Variants in SLC22A12 observed in about 807,000 individuals in gnomAD.
SLC22A12 encodes the protein organic anion transporter 4-like protein.
A neutral mutation model predicts 52.7 loss-of-function variants in SLC22A12; 56 were observed. The observed-to-expected ratio is 1.06, with a 90% CI of 0.86 to 1.33. The LOEUF (loss-of-function observed/expected upper bound fraction) is 1.33. Among genes scored for constraint, SLC22A12 ranks in the 40% most tolerant of loss-of-function variants. SLC22A12 has a pLI of 0.00. For missense variants in SLC22A12, 683 were observed against 741.5 expected (o/e 0.92, Z 0.92); for synonymous variants, 337 against 324.6 (o/e 1.04, Z -0.41).
intron 2 of SLC22A12, among the ~76,000 whole-genome samples, 161 bp downstream of exon 2, chr11:64,593,043 G>A (rs1044946875): frequency 6.6e-6 from 1 of 152,216 alleles, no homozygotes; most frequent in Non-Finnish European, 1.5e-5. Flanking sequence ...AGCCGTGCCA[G>A]GTAGGGAGGT....
At chr11:64,601,331 TCA>T (rs1457693356) in intron 9 of SLC22A12, among the ~76,000 whole-genome samples, 155 bp from the exon 10 acceptor site, 2 of 151,908 alleles carry the variant, frequency 1.3e-5, no homozygotes, top group Non-Finnish European at 2.9e-5. Context: ...GGCAGTCACT[TCA>T]CACACACCCC....
intron 9 of SLC22A12, 103 bp from the exon 10 acceptor site, chr11:64,601,385 G>A (rs1018667308): frequency 8.3e-7 from 1 of 1,209,748 alleles, no homozygotes. Flanking sequence ...GGGCCCCCGA[G>A]AGCAGGGTGG....
At position 64,594,562 on chromosome 11, in the gene SLC22A12, G is replaced by A. The variant is rs114987897; in HGVS notation, c.830+759G>A. On this transcript the variant is annotated intron_variant, in intron 4 of 9. Transcript: ENST00000377574. ...CAGATAAATAAATGGGTTGACAGAT[G>A]TGTGGATTGGATGAGTGGATGGGTG... Among the ~76,000 whole-genome samples, 1,186 of 152,346 alleles carry A rather than the reference G, an allele frequency of 7.8e-3. 13 individuals are homozygous for A. The highest frequency in any genetic ancestry group is 0.026 in the African/African-American group (1,070 of 41,570).
chr11:64,596,276 A>ATGGATGGGATGGATGGATGGATGGATGGC (rs2039230124), intron 4 of SLC22A12, among the ~76,000 whole-genome samples: 1 of 119,180 alleles, frequency 8.4e-6, no homozygotes, highest in South Asian at 2.8e-4. Flanking sequence ...GGATGGATGG[A>ATGGATGGGATGGATGGATGGATGGATGGC]TGGATGGATG....
chr11:64,600,612 G>A, intron 8 of SLC22A12, 123 bp from the exon 9 acceptor site: 2 of 1,458,786 alleles, frequency 1.4e-6, no homozygotes. Flanking sequence ...GGGCTGCTCA[G>A]GTGCATCCCA....
rs758636962 is a variant in SLC22A12, at chr11:64,591,831, G to T, written c.275G>T (p.Arg92Leu). 1.4e-5 allele frequency: 23 copies of T among 1,610,704 alleles called. No individual in the cohort carries two copies. The highest frequency in any genetic ancestry group is 1.9e-5 in the Non-Finnish European group (22 of 1,179,820). ...AGGCCCCACCAGTGCCGCCGCTTCC[G>T]CCAGCCACAGTGGCAGCTCTTGGAC... The part of the protein sequence containing the change: ...NQRPHQCRRF[R>L]QPQWQLLDPN... The change falls in exon 1 of 10, where the codon CGC (arginine) becomes CTC (leucine). Residue 92 changes from arginine (R) to leucine (L), a missense_variant. Transcript: ENST00000377574.
Position 64,593,815 on chromosome 11 carries a change from G to A in SLC22A12, c.830+12G>A. ...TTTTTGTACTCCTGGTGGGTGCTGT[G>A]CCCCACTCCCCTCCTCAGAGGAGAT... On this transcript the variant is annotated intron_variant, in intron 4 of 9. Transcript: ENST00000377574. 6.2e-7 allele frequency: 1 copy of A among 1,601,806 alleles called. No homozygotes were observed.
Position 64,591,259 on chromosome 11 carries a change from T to C in SLC22A12, c.-298T>C, listed in dbSNP as rs2038907904. ...GTCTTCAGTCTCCACATTCCCTACTTTCCAAATTCAGCTTTCCCGGGAGGT... is the reference window on the plus strand; with the variant it reads ...GTCTTCAGTCTCCACATTCCCTACTCTCCAAATTCAGCTTTCCCGGGAGGT... On this transcript the variant is annotated 5_prime_UTR_variant, in exon 1 of 10. Transcript: ENST00000377574. 1.3e-5 allele frequency: 6 copies of C among 465,480 alleles called. No homozygotes were observed. Among genetic ancestry groups the C allele is most frequent in the Admixed American group, 3.6e-5 (1 of 27,408 alleles). 28.8% of individuals were successfully genotyped at this position (465,480 alleles called of 1,614,324 possible).
At chr11:64,600,307 G>A in intron 7 of SLC22A12, 60 bp from the exon 8 acceptor site, 1 of 1,312,220 alleles carries the variant, frequency 7.6e-7, no homozygotes, top group African/African-American at 1.5e-5. Context: ...TGGGCTGAAG[G>A]GAGCCCTCAT....
intron 4 of SLC22A12, among the ~76,000 whole-genome samples, chr11:64,596,351 GATGA>G (rs1018952783): frequency 6.2e-5 from 9 of 145,310 alleles, no homozygotes; most frequent in Non-Finnish European, 1.1e-4. Context: ...TGGATGGATG[GATGA>G]ATGGATGGAT....
At position 64,593,540 on chromosome 11, in the gene SLC22A12, G is replaced by A. The variant is rs1437215029; in HGVS notation, c.642G>A (p.Met214Ile). The change falls in exon 3 of 10, where the codon ATG becomes ATA. Residue 214 changes from methionine (M) to isoleucine (I), a missense_variant. By Grantham distance (10) the Met-to-Ile change is conservative (BLOSUM62 1). Transcript: ENST00000377574. ...FLLAFAVAGV[M>I]MNTGTLLMEW... ...TGGCCTTTGCCGTGGCAGGCGTCAT[G>A]ATGAACACGGGCACTCTCCGTAGGT... 1 of 1,614,206 alleles carries A rather than the reference G, an allele frequency of 6.2e-7. No individual in the cohort carries two copies. The highest frequency in any genetic ancestry group is 1.1e-5 in the South Asian group (1 of 91,090).
chr11:64,596,105 GAATGGATGGATGA>G (rs2039204997), intron 4 of SLC22A12, among the ~76,000 whole-genome samples: 1 of 151,644 alleles, frequency 6.6e-6, no homozygotes, highest in African/African-American at 2.4e-5. Context: ...TGGATGGATG[GAATGGATGGATGA>G]ATGGAATTGA....
intron 1 of SLC22A12, 33 bp from the exon 2 acceptor site, chr11:64,592,746 C>A (rs1435847146): frequency 1.1e-5 from 18 of 1,579,342 alleles, no homozygotes; most frequent in East Asian, 4.5e-5. Flanking sequence ...GCTCTCCCAA[C>A]CTCCTGAGCT....
At chr11:64,600,661 G>C in intron 8 of SLC22A12, 74 bp from the exon 9 acceptor site, 1 of 1,590,526 alleles carries the variant, frequency 6.3e-7, no homozygotes, top group Non-Finnish European at 8.5e-7. Flanking sequence ...GGGCCAAGCG[G>C]GCCTGGCCCG....
At position 64,598,897 on chromosome 11, in the gene SLC22A12, C is replaced by A; in HGVS notation, c.1044C>A (p.Phe348Leu). 6.2e-7 allele frequency: 1 copy of A among 1,612,962 alleles called. No homozygotes were observed. Among genetic ancestry groups the A allele is most frequent in the South Asian group, 1.1e-5 (1 of 91,090 alleles). ...GTLLRMPGLRFRTCISTLCWF... is the reference protein window; with the variant it reads ...GTLLRMPGLRLRTCISTLCWF... ...TGCTCCGCATGCCCGGACTGCGCTT[C>A]CGGACCTGTATCTCCACGTTGTGCT... is the stretch of plus-strand genomic sequence containing the variant. The change falls in exon 6 of 10, where the codon TTC becomes TTA. Residue 348 changes from phenylalanine (F) to leucine (L), a missense_variant. Coordinates refer to ENST00000377574, the MANE Select transcript of SLC22A12 (RefSeq NM_144585.4).
chr11:64,601,199 G>A (rs566800299), intron 9 of SLC22A12, among the ~76,000 whole-genome samples: 3 of 152,108 alleles, frequency 2.0e-5, no homozygotes, highest in South Asian at 2.1e-4. Context: ...GCTCCCCCAG[G>A]TCCACCCTGA....
chr11:64,600,936 C>G lies in SLC22A12; in HGVS notation c.1596C>G (p.Asn532Lys). 1.2e-6 allele frequency: 2 copies of G among 1,607,914 alleles called. No homozygotes were observed. The highest frequency in any genetic ancestry group is 1.1e-5 in the South Asian group (1 of 91,060). The stretch of plus-strand genomic sequence containing the variant: ...CCGACACCATCCAAGATGTGCAGAA[C>G]CAGTGAGTGGACCCAGCCTCGGGAC... ...PLPDTIQDVQNQAVKKATHGT... is the reference protein window; with the variant it reads ...PLPDTIQDVQKQAVKKATHGT... Residue 532 changes from asparagine (N) to lysine (K), a missense_variant and splice_region_variant, in exon 9 of 10, where the codon AAC becomes AAG. Coordinates refer to ENST00000377574, the MANE Select transcript of SLC22A12 (RefSeq NM_144585.4).
chr11:64,599,767 G>A lies in SLC22A12; in HGVS notation c.1162G>A (p.Val388Met), dbSNP rs146388519. The A allele has an allele frequency of 2.0e-4, 330 of 1,612,678 alleles. No individual in the cohort carries two copies. Among genetic ancestry groups the A allele is most frequent in the Non-Finnish European group, 2.4e-4 (283 of 1,179,858 alleles). Reference sequence around the variant, plus strand: ...CCTGCTCCAAATGTTCATTGGTGTCGTGGACATCCCAGCCAAGATGGGCGC... The same window carrying A: ...CCTGCTCCAAATGTTCATTGGTGTCATGGACATCCCAGCCAAGATGGGCGC... ...IFLLQMFIGV[V>M]DIPAKMGALL... The change falls in exon 7 of 10, where the codon GTG (valine) becomes ATG (methionine). Residue 388 changes from valine to methionine, a missense_variant. Coordinates refer to ENST00000377574, the MANE Select transcript of SLC22A12 (RefSeq NM_144585.4).
At chr11:64,595,008 T>C (rs1478857317) in intron 4 of SLC22A12, among the ~76,000 whole-genome samples, 3 of 132,838 alleles carry the variant, frequency 2.3e-5, no homozygotes, top group African/African-American at 5.8e-5. Flanking sequence ...GATGGATGGA[T>C]GGATGGATGG....
Sources: gnomAD v4.1 joint callset for allele counts (sites outside exome capture counted in the v4.1 genomes callset) on GRCh38, gnomAD v4.1.1 for gene constraint, MANE v1.5 for transcripts, NCBI Gene and HGNC (gene_info 2026-07-23, HGNC 2026-07-21) for gene names.